QSOX2: variants seen among roughly 807,000 people sequenced by gnomAD.
QSOX2 encodes the protein quiescin sulfhydryl oxidase 2.
A neutral mutation model predicts 61.7 loss-of-function variants in QSOX2; 46 were observed. The observed-to-expected ratio is 0.75, with a 90% confidence interval of 0.59 to 0.95. The LOEUF is 0.95. Among genes scored for constraint, QSOX2 ranks in the 40% least tolerant of loss-of-function variants. The probability of loss-of-function intolerance (pLI) is 0.00; values close to 1 mark genes in which losing one functional copy is unlikely to be tolerated. For missense variants in QSOX2, 879 were observed against 918.9 expected (o/e 0.96, Z 0.56); for synonymous variants, 383 against 388.4 (o/e 0.99, Z 0.16).
At chr9:136,233,211 C>T (rs543395005) in intron 1 of QSOX2, among the ~76,000 whole-genome samples, 9 of 152,292 alleles carry the variant, frequency 5.9e-5, no homozygotes, top group African/African-American at 1.2e-4. Context: ...TCTGGTTGCA[C>T]GAGAAGGCCT....
At chr9:136,211,069 G>T (rs1262663123) in intron 11 of QSOX2, among the ~76,000 whole-genome samples, 195 bp downstream of exon 11, 1 of 152,218 alleles carries the variant, frequency 6.6e-6, no homozygotes, top group Non-Finnish European at 1.5e-5. Context: ...GAAAGCCGGG[G>T]ACAGAAGCAG....
chr9:136,233,284 G>A (rs181516507), intron 1 of QSOX2, among the ~76,000 whole-genome samples: 23 of 152,338 alleles, frequency 1.5e-4, no homozygotes, highest in Admixed American at 1.3e-3. Flanking sequence ...CTTCCAGTAA[G>A]GGACTGCCTT....
intron 8 of QSOX2, 138 bp downstream of exon 8, chr9:136,218,541 G>T (rs1588634483): frequency 1.9e-6 from 2 of 1,031,670 alleles, no homozygotes. Context: ...GAGTTGGGGC[G>T]TGGGCCTGGG....
chr9:136,238,980 G>C (rs908123166), intron 1 of QSOX2, among the ~76,000 whole-genome samples: 1 of 152,172 alleles, frequency 6.6e-6, no homozygotes, highest in African/African-American at 2.4e-5. Flanking sequence ...CGAAGAGACC[G>C]ATCTCTAAAA....
chr9:136,225,479 T>G (rs1434035058), intron 2 of QSOX2, among the ~76,000 whole-genome samples: 1 of 152,210 alleles, frequency 6.6e-6, no homozygotes, highest in African/African-American at 2.4e-5. Flanking sequence ...ACTTCACCCA[T>G]GACACCCACG....
chr9:136,216,561 G>A, intron 9 of QSOX2, 39 bp downstream of exon 9: 1 of 1,608,610 alleles, frequency 6.2e-7, no homozygotes, highest in Non-Finnish European at 8.5e-7. Flanking sequence ...GGCGAGGGAA[G>A]GAGGGTGCAG....
Position 136,207,848 on chromosome 9 carries a change from G to GAGCC in QSOX2, c.*879_*880insGGCT, listed in dbSNP as rs1831787645. Reference sequence around the variant, plus strand: ...GGGGCCTGTGCTCTAAGCACTGCCCGCTGAGCCCAGAGCTGCCCTCCAGGC... The same window carrying GAGCC: ...GGGGCCTGTGCTCTAAGCACTGCCCGAGCCCTGAGCCCAGAGCTGCCCTCCAGGC... On this transcript the variant is annotated 3_prime_UTR_variant, in exon 12 of 12. Coordinates refer to ENST00000358701, the MANE Select transcript of QSOX2 (RefSeq NM_181701.4). 6.6e-6 allele frequency: 1 copy of GAGCC among 152,216 alleles called. No homozygotes were observed. Among genetic ancestry groups the GAGCC allele is most frequent in the African/African-American group, 2.4e-5 (1 of 41,442 alleles). The allele number at this position is 152,216 out of a possible 1,614,324, so 9.4% of individuals were successfully genotyped here. A position where few individuals can be genotyped will look rare whatever the true frequency, so the allele number is the denominator to read the frequency against.
chr9:136,232,414 G>A (rs944137225), intron 1 of QSOX2, among the ~76,000 whole-genome samples: 4 of 152,074 alleles, frequency 2.6e-5, no homozygotes, highest in Non-Finnish European at 5.9e-5. Flanking sequence ...GTGACAATTT[G>A]AAAAAACTTG....
At chr9:136,211,815 G>C (rs1318797227) in intron 10 of QSOX2, among the ~76,000 whole-genome samples, 1 of 152,158 alleles carries the variant, frequency 6.6e-6, no homozygotes, top group Non-Finnish European at 1.5e-5. Flanking sequence ...GTGCCAGAAC[G>C]CCCGGAGTGC....
Position 136,245,479 on chromosome 9 carries a change from G to T in QSOX2, c.325C>A (p.Arg109=), listed in dbSNP as rs782247963. 2.5e-6 allele frequency: 4 copies of T among 1,589,856 alleles called. No homozygotes were observed. The highest frequency in any genetic ancestry group is 3.4e-6 in the Non-Finnish European group (4 of 1,175,770). The change falls in exon 1 of 12, where the codon CGA becomes AGA. Residue 109 remains arginine, a synonymous_variant. Coordinates refer to ENST00000358701, the MANE Select transcript of QSOX2 (RefSeq NM_181701.4). ...CCCGCGCGGGGGCGCGCCTCACCTC[G>T]CACATCCCCAGCCAGGGCCCGCCAA... ...PTWRALAGDV[R]DWASAIRVAA...
chr9:136,220,865 C>T (rs1831972751), intron 6 of QSOX2, among the ~76,000 whole-genome samples: 1 of 152,168 alleles, frequency 6.6e-6, no homozygotes, highest in South Asian at 2.1e-4. Context: ...GGCACACCAC[C>T]AGACCTGGCT....
intron 1 of QSOX2, among the ~76,000 whole-genome samples, chr9:136,237,687 G>A (rs1377460682): frequency 1.4e-5 from 2 of 139,540 alleles, no homozygotes; most frequent in Non-Finnish European, 3.0e-5. Context: ...CCTGGTGCCC[G>A]TCCTGTGCCA....
At chr9:136,215,861 C>G (rs73668094) in intron 9 of QSOX2, among the ~76,000 whole-genome samples, 22 of 152,180 alleles carry the variant, frequency 1.4e-4, no homozygotes, top group Non-Finnish European at 2.4e-4. Flanking sequence ...GACGTGCTCT[C>G]GAGGGAGATG....
chr9:136,243,087 C>A (rs567059042), intron 1 of QSOX2, among the ~76,000 whole-genome samples: 1 of 152,208 alleles, frequency 6.6e-6, no homozygotes, highest in African/African-American at 2.4e-5. Flanking sequence ...GACAGCACAG[C>A]CTCAGCAGCA....
rs1374605499 is a variant in QSOX2 at position 136,224,916 on chromosome 9, G to A, written c.430-7C>T. ...TTGTAAATGCTTTAAAATACTAAGA[G>A]GAAAAACACAGAACAAGTAAGAGGC... On this transcript the variant is annotated splice_polypyrimidine_tract_variant and splice_region_variant and intron_variant, in intron 2 of 11. Coordinates refer to ENST00000358701, the MANE Select transcript of QSOX2 (RefSeq NM_181701.4). The A allele has an allele frequency of 4.4e-6, 7 of 1,601,466 alleles. No individual in the cohort carries two copies. The Admixed American group carries it at 5.1e-5, about 12-fold the overall frequency.
intron 11 of QSOX2, 65 bp downstream of exon 11, chr9:136,211,199 T>C (rs1338932970): frequency 2.2e-5 from 34 of 1,535,268 alleles, no homozygotes; most frequent in African/African-American, 4.1e-5. Flanking sequence ...GTGCCGTCCT[T>C]GCTGTCCCAG....
Position 136,207,885 on chromosome 9 carries a change from C to T in QSOX2, c.*843G>A, listed in dbSNP as rs1831788213. 1 of 152,346 alleles carries T rather than the reference C, an allele frequency of 6.6e-6. No homozygotes were observed. Among genetic ancestry groups the T allele is most frequent in the Admixed American group, 6.5e-5 (1 of 15,290 alleles). The allele number at this position is 152,346 out of a possible 1,614,324, so 9.4% of individuals were successfully genotyped here. On this transcript the variant is annotated 3_prime_UTR_variant, in exon 12 of 12. Coordinates refer to ENST00000358701, the MANE Select transcript of QSOX2 (RefSeq NM_181701.4). ...GCTGCCCTCCAGGCACCCGCCGTCC[C>T]AACGGCCCCCATTTACTTGTCTCTC... is the stretch of plus-strand genomic sequence containing the variant.
rs1831790712 is a variant in QSOX2, at chr9:136,208,021, A to G, written c.*707T>C. On this transcript the variant is annotated 3_prime_UTR_variant, in exon 12 of 12. Transcript: ENST00000358701. ...AGGCCTCTGGGGGTTATTTTCTGAA[A>G]CGCAGCACAGCCACAGAATTCCTTG... The G allele has an allele frequency of 6.6e-6, 1 of 151,928 alleles. No homozygotes were observed. The highest frequency in any genetic ancestry group is 2.1e-4 in the South Asian group (1 of 4,796). 9.4% of individuals were successfully genotyped at this position (151,928 alleles called of 1,614,324 possible). A position where few individuals can be genotyped will look rare whatever the true frequency, so the allele number is the denominator to read the frequency against.
chr9:136,234,024 A>C (rs558000652), intron 1 of QSOX2, among the ~76,000 whole-genome samples: 69 of 152,180 alleles, frequency 4.5e-4, no homozygotes, highest in Admixed American at 4.4e-3. Flanking sequence ...CTGCCGCTGC[A>C]ACCTGGGGCA....
Sources: gnomAD v4.1 joint callset for allele counts (sites outside exome capture counted in the v4.1 genomes callset) on GRCh38, gnomAD v4.1.1 for gene constraint, MANE v1.5 for transcripts, NCBI Gene and HGNC (gene_info 2026-07-23, HGNC 2026-07-21) for gene names.